ZMYND8: variants seen among roughly 807,000 people sequenced by gnomAD.
ZMYND8 encodes MYND-type zinc finger-containing chromatin reader ZMYND8.
Under a neutral mutation model 140.8 loss-of-function variants are expected in ZMYND8, and 37 were observed. The ratio of observed to expected loss-of-function variants is 0.26; its 90% confidence interval spans 0.20 to 0.35. ZMYND8 has a LOEUF of 0.35. Among genes scored for constraint, ZMYND8 ranks in the 10% least tolerant of loss-of-function variants. The pLI, the probability that ZMYND8 is intolerant of heterozygous loss-of-function variation, is 1.00. For synonymous variants in ZMYND8, 592 were observed against 597.1 expected (o/e 0.99, Z 0.12); for missense variants, 1,068 against 1,570.0 (o/e 0.68, Z 5.40).
intron 2 of ZMYND8, among the ~76,000 whole-genome samples, chr20:47,327,420 A>G (rs771186198): frequency 6.6e-6 from 1 of 151,920 alleles, no homozygotes; most frequent in Non-Finnish European, 1.5e-5. Flanking sequence ...TTGGGAGGCC[A>G]AGGCAGGCAG....
chr20:47,351,648 A>C, intron 1 of ZMYND8: 2 of 984,004 alleles, frequency 2.0e-6, no homozygotes. Flanking sequence ...TCTACAATTA[A>C]TTTTTTAAGA....
At chr20:47,339,274 C>G (rs1407214580) in intron 2 of ZMYND8, among the ~76,000 whole-genome samples, 1 of 151,752 alleles carries the variant, frequency 6.6e-6, no homozygotes, top group African/African-American at 2.4e-5. Flanking sequence ...GCCCGGCCCA[C>G]AATTCTTCAC....
intron 2 of ZMYND8, chr20:47,319,154 G>T: frequency 1.4e-6 from 1 of 714,918 alleles, no homozygotes; most frequent in South Asian, 1.5e-5. Context: ...CGCCCGGCGG[G>T]GCAAGGACAC....
At position 47,224,424 on chromosome 20, in the gene ZMYND8, T is replaced by C; in HGVS notation, c.3149A>G (p.Asn1050Ser). The C allele has an allele frequency of 6.2e-7, 1 of 1,614,270 alleles. No homozygotes were observed. The highest frequency in any genetic ancestry group is 8.5e-7 in the Non-Finnish European group (1 of 1,180,042). The change falls in exon 19 of 23, where the codon AAC (asparagine) becomes AGC (serine). Residue 1050 changes from asparagine (N) to serine (S), a missense_variant. Transcript: ENST00000471951. ...GTAAAAGATGGCCTCCTTCTTGCAG[T>C]TGGCGCACCACTGCTTCTTCTTGGT... ...DETKKKQWCA[N>S]CKKEAIFYCC... is the part of the protein sequence containing the mutation.
intron 2 of ZMYND8, among the ~76,000 whole-genome samples, chr20:47,345,515 T>G: frequency 6.6e-6 from 1 of 151,764 alleles, no homozygotes; most frequent in East Asian, 1.9e-4. Context: ...ACTTTTTTTT[T>G]TTTTTTTTTT....
In ZMYND8 at chr20:47,270,945, C is replaced by T. The variant is rs887179619; in HGVS notation, c.1480+5369G>A. On this transcript the variant is annotated intron_variant, in intron 11 of 22. Coordinates refer to ENST00000471951, the MANE Select transcript of ZMYND8 (RefSeq NM_001281775.3). ...ACAAAAAATTAGCCGGGCGTGGCGG[C>T]AGGCACCTGTAGTCCCAGCTACTCG... Among the ~76,000 whole-genome samples, 73 of 151,804 alleles carry T rather than the reference C, an allele frequency of 4.8e-4. 1 individual carries two copies. Among genetic ancestry groups the T allele is most frequent in the Admixed American group, 4.8e-3 (73 of 15,226 alleles).
intron 3 of ZMYND8, among the ~76,000 whole-genome samples, chr20:47,299,905 C>T (rs758927824): frequency 6.6e-6 from 1 of 152,084 alleles, no homozygotes; most frequent in Non-Finnish European, 1.5e-5. Context: ...TTAAGTTTAC[C>T]CCCAATACAT....
chr20:47,334,594 T>TG (rs1405678724), intron 2 of ZMYND8, among the ~76,000 whole-genome samples: 1 of 133,162 alleles, frequency 7.5e-6, no homozygotes, highest in African/African-American at 3.4e-5. Context: ...CACAACTCTG[T>TG]GAAAAAAAAA....
chr20:47,281,369 A>G (rs1202514489), intron 10 of ZMYND8, among the ~76,000 whole-genome samples: 1 of 152,230 alleles, frequency 6.6e-6, no homozygotes, highest in Non-Finnish European at 1.5e-5. Flanking sequence ...TAGTCTCGCT[A>G]CATACTAACA....
In ZMYND8 at chr20:47,210,590, G is replaced by C; in HGVS notation, c.*171C>G. 2.2e-6 allele frequency: 2 copies of C among 922,260 alleles called. No homozygotes were observed. Among genetic ancestry groups the C allele is most frequent in the Non-Finnish European group, 3.4e-6 (2 of 591,540 alleles). The allele number at this position is 922,260 out of a possible 1,614,324, so 57.1% of individuals were successfully genotyped here. On this transcript the variant is annotated 3_prime_UTR_variant, in exon 23 of 23. Transcript: ENST00000471951. ...TGAACAGTCTGCAGTCAAAGCCGAT[G>C]CTGGGTGTCCTGTAGTGTAGCAGCC... is the stretch of plus-strand genomic sequence containing the variant.
intron 12 of ZMYND8, among the ~76,000 whole-genome samples, chr20:47,254,752 CG>C (rs1438579323): frequency 6.6e-6 from 1 of 152,062 alleles, no homozygotes; most frequent in Non-Finnish European, 1.5e-5. Context: ...GGGGCTGTCC[CG>C]TGTGTTGTAG....
At chr20:47,224,817 C>G (rs1278541151) in intron 18 of ZMYND8, among the ~76,000 whole-genome samples, 1 of 152,226 alleles carries the variant, frequency 6.6e-6, no homozygotes, top group Non-Finnish European at 1.5e-5. Context: ...GGATTTTCCA[C>G]ACCAGACTAC....
intron 21 of ZMYND8, among the ~76,000 whole-genome samples, chr20:47,219,523 CA>C (rs11482247): frequency 1.3e-3 from 177 of 134,944 alleles, no homozygotes; most frequent in Admixed American, 2.1e-3. Flanking sequence ...AAGACTGTCT[CA>C]AAAAAAAAAA....
chr20:47,219,055 A>ATTTTTTTTTTT (rs3092175), intron 21 of ZMYND8, among the ~76,000 whole-genome samples: 11,436 of 109,974 alleles, frequency 0.1, 1,166 homozygotes, highest in Non-Finnish European at 0.17. Context: ...CGTTTCTACA[A>ATTTTTTTTTTT]TTTTTTTTTT....
chr20:47,327,253 C>T (rs1318327652), intron 2 of ZMYND8, among the ~76,000 whole-genome samples: 2 of 151,996 alleles, frequency 1.3e-5, no homozygotes. Context: ...CGACCGCCCA[C>T]CTCAGCCTCC....
intron 3 of ZMYND8, among the ~76,000 whole-genome samples, chr20:47,304,581 C>T (rs1331073098): frequency 6.6e-6 from 1 of 152,176 alleles, no homozygotes; most frequent in Non-Finnish European, 1.5e-5. Flanking sequence ...CATGTGTGGA[C>T]GATGAGGACC....
At chr20:47,214,827 C>T (rs543022692) in intron 21 of ZMYND8, among the ~76,000 whole-genome samples, 1 of 152,220 alleles carries the variant, frequency 6.6e-6, no homozygotes, top group East Asian at 1.9e-4. Flanking sequence ...TTAGTGTAGC[C>T]CCGGGTGCAC....
At chr20:47,334,763 C>T (rs1354520420) in intron 2 of ZMYND8, among the ~76,000 whole-genome samples, 1 of 151,964 alleles carries the variant, frequency 6.6e-6, no homozygotes, top group African/African-American at 2.4e-5. Context: ...GCACACGCCA[C>T]CACACTCAGC....
intron 12 of ZMYND8, among the ~76,000 whole-genome samples, chr20:47,253,775 C>T (rs1345441732): frequency 3.3e-5 from 5 of 152,196 alleles, no homozygotes; most frequent in Non-Finnish European, 5.9e-5. Context: ...CGTGTCTACA[C>T]GTATGGCTAC....
Sources: allele counts gnomAD v4.1 joint callset (sites outside exome capture counted in the v4.1 genomes callset), GRCh38; gene constraint gnomAD v4.1.1; transcripts MANE v1.5; gene names NCBI Gene and HGNC (gene_info 2026-07-23, HGNC 2026-07-21).